Variants in OR2H1 observed in about 807,000 individuals in gnomAD.
OR2H1 encodes the protein olfactory receptor family 2 subfamily H member 1.
For synonymous variants in OR2H1, 155 were observed against 155.2 expected (o/e 1.00, Z 0.01); for missense variants, 380 against 367.3 (o/e 1.03, Z -0.28).
chr6:29,461,467 T>C, intron 3 of OR2H1, 28 bp from the exon 4 acceptor site: 3 of 408,236 alleles, frequency 7.3e-6, no homozygotes. Flanking sequence ...ATCCATGTTT[T>C]ACATCAGCTT....
intron 1 of OR2H1, among the ~76,000 whole-genome samples, chr6:29,458,082 A>G (rs1482920703): frequency 6.6e-6 from 1 of 152,188 alleles, no homozygotes; most frequent in Non-Finnish European, 1.5e-5. Context: ...AAGAGAGGTT[A>G]ACTTACTGGA....
Position 29,462,390 on chromosome 6 carries a change from G to T in OR2H1, c.621G>T (p.Val207=). Residue 207 remains valine, a synonymous_variant, in exon 4 of 4, where the codon GTG becomes GTT. Transcript: ENST00000377133. ...TGTCCAGTGTCATCTTCGTGGTTGT[G>T]CCTCTCAGCCTCATCCTTGCCTCTT... is the stretch of plus-strand genomic sequence containing the variant. The part of the protein sequence containing the change: ...LAVSSVIFVV[V]PLSLILASYG... 1 of 1,613,090 alleles carries T rather than the reference G, an allele frequency of 6.2e-7. No homozygotes were observed. The highest frequency in any genetic ancestry group is 1.6e-4 in the Middle Eastern group (1 of 6,062).
Position 29,460,372 on chromosome 6 carries a change from A to ATTTTTTTTTT in OR2H1, c.-326-14_-326-5dup, listed in dbSNP as rs10651941. The ATTTTTTTTTT allele has an allele frequency of 1.6e-3, 126 of 81,222 alleles. 10 individuals carry two copies. Among genetic ancestry groups the ATTTTTTTTTT allele is most frequent in the African/African-American group, 6.1e-3 (116 of 18,906 alleles). 5.0% of individuals were successfully genotyped at this position (81,222 alleles called of 1,614,324 possible). A position where few individuals can be genotyped will look rare whatever the true frequency, so the allele number is the denominator to read the frequency against. On this transcript the variant is annotated intron_variant, in intron 2 of 3. Transcript: ENST00000377133. Reference sequence around the variant, plus strand: ...AGACACCCACCACCACACCCCGCTAATTTTTTTTTTTTTTTTTTTTTTTTT... The same window carrying ATTTTTTTTTT: ...AGACACCCACCACCACACCCCGCTAATTTTTTTTTTTTTTTTTTTTTTTTTTTTTTTTTTT...
chr6:29,461,935 C>T lies in OR2H1; in HGVS notation c.166C>T (p.Pro56Ser), dbSNP rs773435222. 1 of 1,613,062 alleles carries T rather than the reference C, an allele frequency of 6.2e-7. No homozygotes were observed. Among genetic ancestry groups the T allele is most frequent in the East Asian group, 2.2e-5 (1 of 44,864 alleles). ...TGTACTGTACCCCAGGCTCCACTCT[C>T]CAATGTACTTTTTCCTCTCTGACCT... ...LSVLYPRLHS[P>S]MYFFLSDLSF... The change falls in exon 4 of 4, where the codon CCA (proline) becomes TCA (serine). Residue 56 changes from proline to serine, a missense_variant. Physicochemically the swap from Pro to Ser is moderately conservative, Grantham distance 74 (BLOSUM62 -1). Coordinates refer to ENST00000377133, the MANE Select transcript of OR2H1 (RefSeq NM_030883.5).
Position 29,462,640 on chromosome 6 carries a change from A to C in OR2H1, c.871A>C (p.Arg291=). 1 of 1,613,090 alleles carries C rather than the reference A, an allele frequency of 6.2e-7. No homozygotes were observed. Among genetic ancestry groups the C allele is most frequent in the South Asian group, 1.1e-5 (1 of 91,080 alleles). The change falls in exon 4 of 4, where the codon AGG becomes CGG. Residue 291 remains arginine, a synonymous_variant. Transcript: ENST00000377133. ...ACTTAACCCTCTCGTATACACCCTGAGGAACAAGGAGATAAAGCGAGCACT... is the reference window on the plus strand; with the variant it reads ...ACTTAACCCTCTCGTATACACCCTGCGGAACAAGGAGATAAAGCGAGCACT... The part of the protein sequence containing the change: ...PSLNPLVYTL[R]NKEIKRALRR...
chr6:29,459,522 G>A (rs969569962), intron 2 of OR2H1, among the ~76,000 whole-genome samples: 1 of 152,174 alleles, frequency 6.6e-6, no homozygotes, highest in Non-Finnish European at 1.5e-5. Context: ...AAAAAGGAGG[G>A]AGTCTTGATG....
intron 2 of OR2H1, among the ~76,000 whole-genome samples, chr6:29,458,991 T>C (rs545332508): frequency 2.0e-5 from 3 of 152,056 alleles, no homozygotes; most frequent in Non-Finnish European, 4.4e-5. Context: ...TTGCCTATTA[T>C]TGGTGTCAGA....
At chr6:29,460,999 A>G (rs1210569919) in intron 3 of OR2H1, 1 of 152,180 alleles carries the variant, frequency 6.6e-6, no homozygotes, top group Non-Finnish European at 1.5e-5. Context: ...AAGCCCCAGA[A>G]CAAGACAATT....
chr6:29,463,499 G>C lies in OR2H1; in HGVS notation c.*779G>C. ...GGACAAGGAGCCAGGGAATTGGCAC[G>C]TTTGGCTTTTACTTCTTTTTTATAT... On this transcript the variant is annotated 3_prime_UTR_variant, in exon 4 of 4. Transcript: ENST00000377133. The C allele has an allele frequency of 6.0e-6, 1 of 166,902 alleles. No homozygotes were observed. The highest frequency in any genetic ancestry group is 1.9e-4 in the East Asian group (1 of 5,202). The allele number at this position is 166,902 out of a possible 1,614,324, so 10.3% of individuals were successfully genotyped here.
Position 29,461,904 on chromosome 6 carries a change from G to T in OR2H1, c.135G>T (p.Leu45=), listed in dbSNP as rs1056698700. Residue 45 remains leucine, a synonymous_variant, in exon 4 of 4, where the codon CTG becomes CTT. Coordinates refer to ENST00000377133, the MANE Select transcript of OR2H1 (RefSeq NM_030883.5). The stretch of plus-strand genomic sequence containing the variant: ...TGGTGGGCAACACACTCATCATCCT[G>T]CTGTCTGTACTGTACCCCAGGCTCC... ...LTLVGNTLII[L]LSVLYPRLHS... is the part of the protein sequence containing the mutation. The T allele has an allele frequency of 3.7e-6, 6 of 1,612,968 alleles. No homozygotes were observed. The highest frequency in any genetic ancestry group is 1.7e-5 in the Admixed American group (1 of 60,012).
chr6:29,462,951 C>T lies in OR2H1; in HGVS notation c.*231C>T, dbSNP rs2151432860. ...AATTCAAATATTATCATTCCTATCA[C>T]TGTCCATTCTTAATATTTCTATCCT... On this transcript the variant is annotated 3_prime_UTR_variant, in exon 4 of 4. Transcript: ENST00000377133. 1 of 559,232 alleles carries T rather than the reference C, an allele frequency of 1.8e-6. No individual in the cohort carries two copies. The highest frequency in any genetic ancestry group is 3.2e-6 in the Non-Finnish European group (1 of 308,772). 34.6% of individuals were successfully genotyped at this position (559,232 alleles called of 1,614,324 possible).
rs1006192809 is a variant in OR2H1 at position 29,458,502 on chromosome 6, T to A, written c.-394T>A. ...GATCACAAGTGGAGGCTCCAACCAG[T>A]CCAGAAGTTCCTTTCTATGGGGAAG... On this transcript the variant is annotated 5_prime_UTR_variant, in exon 2 of 4. Coordinates refer to ENST00000377133, the MANE Select transcript of OR2H1 (RefSeq NM_030883.5). The A allele has an allele frequency of 2.6e-5, 4 of 152,358 alleles. No individual in the cohort carries two copies. Among genetic ancestry groups the A allele is most frequent in the Admixed American group, 2.0e-4 (3 of 15,304 alleles). The allele number at this position is 152,358 out of a possible 1,614,324, so 9.4% of individuals were successfully genotyped here.
rs1168887046 is a variant in OR2H1 at position 29,461,832 on chromosome 6, G to A, written c.63G>A (p.Leu21=). 1 of 1,613,050 alleles carries A rather than the reference G, an allele frequency of 6.2e-7. No homozygotes were observed. The highest frequency in any genetic ancestry group is 2.2e-5 in the East Asian group (1 of 44,886). The change falls in exon 4 of 4, where the codon CTG becomes CTA. Residue 21 remains leucine (L), a synonymous_variant. Transcript: ENST00000377133. ...TGGGCTTCTCTGAACACCCAGCACT[G>A]GAAAGGACTCTCTTTGTGGTTGTCT... is the stretch of plus-strand genomic sequence containing the variant. ...LLLGFSEHPA[L]ERTLFVVVFT...
In OR2H1 at chr6:29,462,813, G is replaced by C; in HGVS notation, c.*93G>C. 1.2e-6 allele frequency: 1 copy of C among 852,178 alleles called. No homozygotes were observed. Among genetic ancestry groups the C allele is most frequent in the Non-Finnish European group, 1.8e-6 (1 of 545,550 alleles). The allele number at this position is 852,178 out of a possible 1,614,324, so 52.8% of individuals were successfully genotyped here. On this transcript the variant is annotated 3_prime_UTR_variant, in exon 4 of 4. Transcript: ENST00000377133. The stretch of plus-strand genomic sequence containing the variant: ...CCTTCCCACATACACCTGAGCCACT[G>C]TGGTGGGTCACAGTGTGGCTATGTT...
Position 29,462,370 on chromosome 6 carries a change from A to G in OR2H1, c.601A>G (p.Ser201Gly), listed in dbSNP as rs541552266. The change falls in exon 4 of 4, where the codon AGT becomes GGT. Residue 201 changes from serine (S) to glycine (G), a missense_variant. Ser to Gly is a moderately conservative substitution (Grantham distance 56). Transcript: ENST00000377133. The part of the protein sequence containing the change: ...SYNEIQLAVS[S>G]VIFVVVPLSL... The stretch of plus-strand genomic sequence containing the variant: ...CAATGAAATCCAGTTGGCTGTGTCC[A>G]GTGTCATCTTCGTGGTTGTGCCTCT... 82 of 1,613,098 alleles carry G rather than the reference A, an allele frequency of 5.1e-5. No individual in the cohort carries two copies. The South Asian group carries it at 8.3e-4, about 16-fold the overall frequency.
At chr6:29,457,967 G>A (rs1786648697) in intron 1 of OR2H1, among the ~76,000 whole-genome samples, 1 of 152,210 alleles carries the variant, frequency 6.6e-6, no homozygotes, top group Non-Finnish European at 1.5e-5. Flanking sequence ...GGGGCACCTA[G>A]TCTTGGCAGA....
At chr6:29,460,280 A>G (rs1156981004) in intron 2 of OR2H1, 124 bp from the exon 3 acceptor site, 1 of 151,486 alleles carries the variant, frequency 6.6e-6, no homozygotes, top group Non-Finnish European at 1.5e-5. Flanking sequence ...ATCTCAGCTC[A>G]CTGCAACTTC....
Position 29,462,789 on chromosome 6 carries a change from C to A in OR2H1, c.*69C>A. 3.5e-6 allele frequency: 4 copies of A among 1,153,426 alleles called. No homozygotes were observed. The highest frequency in any genetic ancestry group is 2.3e-4 in the Middle Eastern group (1 of 4,370). 71.4% of individuals were successfully genotyped at this position (1,153,426 alleles called of 1,614,324 possible). On this transcript the variant is annotated 3_prime_UTR_variant, in exon 4 of 4. Coordinates refer to ENST00000377133, the MANE Select transcript of OR2H1 (RefSeq NM_030883.5). ...ATGTTAAGTTTTCCAGACTACTACCCTTCCCACATACACCTGAGCCACTGT... is the reference window on the plus strand; with the variant it reads ...ATGTTAAGTTTTCCAGACTACTACCATTCCCACATACACCTGAGCCACTGT...
intron 2 of OR2H1, chr6:29,459,805 T>C (rs1467894742): frequency 6.6e-6 from 1 of 152,286 alleles, no homozygotes; most frequent in African/African-American, 2.4e-5. Flanking sequence ...ACAGCAAAAA[T>C]GCATGTCACC....
Sources: gnomAD v4.1 joint callset for allele counts (sites outside exome capture counted in the v4.1 genomes callset) on GRCh38, gnomAD v4.1.1 for gene constraint, MANE v1.5 for transcripts, NCBI Gene and HGNC (gene_info 2026-07-23, HGNC 2026-07-21) for gene names.